The following C8orf34 variants were observed in gnomAD, a reference collection of about 807,000 sequenced individuals.
The protein encoded by C8orf34 is chromosome 8 open reading frame 34.
A neutral mutation model predicts 68.3 loss-of-function variants in C8orf34; 65 were observed. The ratio of observed to expected loss-of-function variants is 0.95; its 90% CI spans 0.78 to 1.17. C8orf34 has a LOEUF of 1.17. Ranked by LOEUF, C8orf34 falls within the 50% of genes most tolerant of loss-of-function variation. C8orf34 has a pLI of 0.00. For missense variants in C8orf34, 664 were observed against 655.4 expected, an observed-to-expected ratio of 1.01 and a Z score of -0.14; for synonymous variants, 244 against 241.2, an observed-to-expected ratio of 1.01 and a Z score of -0.11.
chr8:68,764,702 G>A (rs1324702448), intron 10 of C8orf34, among the ~76,000 whole-genome samples: 1 of 152,114 alleles, frequency 6.6e-6, no homozygotes, highest in Non-Finnish European at 1.5e-5. Flanking sequence ...TGCCTTTGGG[G>A]GCCTCAGGTT....
chr8:68,684,749 G>A (rs1585725964), intron 8 of C8orf34, among the ~76,000 whole-genome samples: 5 of 151,330 alleles, frequency 3.3e-5, no homozygotes, highest in East Asian at 3.9e-4. Flanking sequence ...ATAGCTTTCT[G>A]GAAGAATTTT....
intron 1 of C8orf34, among the ~76,000 whole-genome samples, chr8:68,392,268 T>C (rs1343094293): frequency 6.6e-6 from 1 of 152,004 alleles, no homozygotes; most frequent in Non-Finnish European, 1.5e-5. Context: ...TATTTCTGTC[T>C]ATAGAGAAAA....
intron 7 of C8orf34, among the ~76,000 whole-genome samples, chr8:68,553,396 A>ACAAC (rs1277443582): frequency 6.6e-6 from 1 of 150,416 alleles, no homozygotes; most frequent in Admixed American, 6.6e-5. Flanking sequence ...AAAAAAAAAA[A>ACAAC]AAAAAAAAAA....
intron 8 of C8orf34, among the ~76,000 whole-genome samples, chr8:68,665,646 C>G (rs1164941048): frequency 1.3e-5 from 2 of 152,204 alleles, no homozygotes; most frequent in African/African-American, 4.8e-5. Flanking sequence ...AGATTCCAGT[C>G]TTGCTTTTCT....
chr8:68,720,992 A>G (rs1821655752), intron 9 of C8orf34, among the ~76,000 whole-genome samples: 1 of 151,944 alleles, frequency 6.6e-6, no homozygotes, highest in East Asian at 1.9e-4. Context: ...CCCCAAAAGG[A>G]GACAATTGAT....
intron 8 of C8orf34, among the ~76,000 whole-genome samples, chr8:68,708,490 G>A (rs1304289708): frequency 6.6e-6 from 1 of 152,142 alleles, no homozygotes; most frequent in Non-Finnish European, 1.5e-5. Flanking sequence ...AGAAGTCTGG[G>A]CAGTCACACA....
intron 1 of C8orf34, among the ~76,000 whole-genome samples, chr8:68,343,074 C>T (rs1003939056): frequency 6.6e-5 from 10 of 152,046 alleles, no homozygotes; most frequent in Non-Finnish European, 1.3e-4. Context: ...TAAGGGGAGA[C>T]TACTTGTATA....
chr8:68,514,886 C>T (rs1407978558), intron 5 of C8orf34, among the ~76,000 whole-genome samples: 1 of 151,958 alleles, frequency 6.6e-6, no homozygotes, highest in Non-Finnish European at 1.5e-5. Context: ...AATAGAAGTT[C>T]ATCAAGGAGG....
intron 5 of C8orf34, among the ~76,000 whole-genome samples, chr8:68,495,316 A>G (rs1170317990): frequency 6.6e-6 from 1 of 151,832 alleles, no homozygotes; most frequent in East Asian, 1.9e-4. Flanking sequence ...TTTAGTGCAT[A>G]CTAAATTCTA....
intron 5 of C8orf34, among the ~76,000 whole-genome samples, chr8:68,501,142 C>G (rs1031450217): frequency 2.0e-5 from 3 of 152,140 alleles, no homozygotes; most frequent in African/African-American, 7.2e-5. Flanking sequence ...CAAGTTCAAG[C>G]TGAGGGCGCT....
At chr8:68,483,752 G>A (rs1812959664) in intron 4 of C8orf34, among the ~76,000 whole-genome samples, 1 of 152,194 alleles carries the variant, frequency 6.6e-6, no homozygotes, top group East Asian at 1.9e-4. Flanking sequence ...TGACACAGAT[G>A]GAGGCCATCT....
chr8:68,781,613 C>A (rs367834162), intron 11 of C8orf34, among the ~76,000 whole-genome samples: 119 of 152,176 alleles, frequency 7.8e-4, no homozygotes, highest in South Asian at 1.7e-3. Context: ...CTCTTTGACC[C>A]CATCAAAAAG....
chr8:68,592,284 C>T (rs888621165), intron 7 of C8orf34, among the ~76,000 whole-genome samples: 1 of 151,940 alleles, frequency 6.6e-6, no homozygotes, highest in Admixed American at 6.6e-5. Flanking sequence ...ATCAATTTAG[C>T]ATATCTATTT....
rs188312353 is a variant in C8orf34, at chr8:68,382,545, G to A, written c.327+51206G>A. Reference sequence around the variant, plus strand: ...CAGAATACTTTTGCTGGACCAATGGGCCTTAGGTTCAGAAGCATTTCTATT... The same window carrying A: ...CAGAATACTTTTGCTGGACCAATGGACCTTAGGTTCAGAAGCATTTCTATT... On this transcript the variant is annotated intron_variant, in intron 1 of 13. Transcript: ENST00000518698. Among the ~76,000 whole-genome samples the A allele has an allele frequency of 5.3e-5, 8 of 152,310 alleles. No individual in the cohort carries two copies. In the East Asian group the frequency reaches 1.5e-3, roughly 29 times the overall value.
intron 12 of C8orf34, chr8:68,790,975 G>A: frequency 3.3e-6 from 2 of 601,362 alleles, no homozygotes; most frequent in East Asian, 2.8e-5. Context: ...TTAAACTTTG[G>A]GTCTTCTTTT....
Position 68,331,238 on chromosome 8 carries a change from C to T in C8orf34, c.226C>T (p.Pro76Ser). 3 of 1,536,260 alleles carry T rather than the reference C, an allele frequency of 2.0e-6. No individual in the cohort carries two copies. Among genetic ancestry groups the T allele is most frequent in the South Asian group, 1.2e-5 (1 of 84,058 alleles). Residue 76 changes from proline (P) to serine (S), a missense_variant, in exon 1 of 14, where the codon CCT becomes TCT. Transcript: ENST00000518698. Reference sequence around the variant, plus strand: ...CGGAGGCGCACAGCCGCGCGTTCTCCCTGCACTCTCTTCGCGGTCCCATCT... The same window carrying T: ...CGGAGGCGCACAGCCGCGCGTTCTCTCTGCACTCTCTTCGCGGTCCCATCT... ...PSGGAQPRVL[P>S]ALSSRSHLFP... is the part of the protein sequence containing the mutation.
chr8:68,408,626 T>G (rs1809305996), intron 1 of C8orf34, among the ~76,000 whole-genome samples: 1 of 152,202 alleles, frequency 6.6e-6, no homozygotes, highest in Admixed American at 6.5e-5. Flanking sequence ...CACCACATAG[T>G]GACGTTTCAG....
intron 8 of C8orf34, among the ~76,000 whole-genome samples, chr8:68,652,691 T>C (rs1819397503): frequency 6.6e-6 from 1 of 152,204 alleles, no homozygotes; most frequent in Non-Finnish European, 1.5e-5. Context: ...TGAATTGTCT[T>C]GGTACCCTTT....
At chr8:68,656,752 C>T (rs763899561) in intron 8 of C8orf34, among the ~76,000 whole-genome samples, 1 of 152,190 alleles carries the variant, frequency 6.6e-6, no homozygotes, top group Non-Finnish European at 1.5e-5. Context: ...TCCCTGGAGA[C>T]CCTGGATCCC....
Sources: gnomAD v4.1 joint callset for allele counts (sites outside exome capture counted in the v4.1 genomes callset) on GRCh38, gnomAD v4.1.1 for gene constraint, MANE v1.5 for transcripts, NCBI Gene and HGNC (gene_info 2026-07-23, HGNC 2026-07-21) for gene names.